Variants in SNURF observed in about 807,000 individuals in gnomAD.
SNURF encodes SNRPN upstream open reading frame, also known as SNURF protein.
In SNURF, 6 loss-of-function variants were observed where a neutral mutation model predicts 11.6. The observed-to-expected ratio is 0.52, with a 90% CI of 0.28 to 1.02. SNURF has a LOEUF of 1.02. Among genes scored for constraint, SNURF ranks in the 50% least tolerant of loss-of-function variants. The probability of loss-of-function intolerance (pLI) is 0.09; values close to 1 mark genes in which losing one functional copy is unlikely to be tolerated. For missense variants in SNURF, 84 were observed against 88.4 expected (o/e 0.95, Z 0.20); for synonymous variants, 29 against 31.6 (o/e 0.92, Z 0.27).
At chr15:24,955,467 T>G (rs934028937) in intron 1 of SNURF, among the ~76,000 whole-genome samples, 5 of 151,196 alleles carry the variant, frequency 3.3e-5, no homozygotes, top group Admixed American at 2.0e-4. Flanking sequence ...CATAGGGATT[T>G]TAGGCGGAGG....
At position 24,976,164 on chromosome 15, in the gene SNURF, A is replaced by G. The variant is rs370882516; in HGVS notation, c.*198-141A>G. 4.3e-5 allele frequency: 29 copies of G among 672,156 alleles called. No individual in the cohort carries two copies. The African/African-American group carries it at 4.7e-4, about 11-fold the overall frequency. 41.6% of individuals were successfully genotyped at this position (672,156 alleles called of 1,614,324 possible). On this transcript the variant is annotated intron_variant and NMD_transcript_variant, in intron 4 of 6. Coordinates refer to the SNURF transcript ENST00000580062. ...TTGTATATTAACTGTGTTTACAGAT[A>G]TTTTTTGGCTTGTTTTTCAGTGATA...
downstream of SNURF, among the ~76,000 whole-genome samples, chr15:24,971,823 A>G (rs1386061954): frequency 1.3e-5 from 2 of 152,254 alleles, no homozygotes; most frequent in African/African-American, 2.4e-5. Flanking sequence ...GTAAATTTAC[A>G]GAACTGTGCA....
chr15:24,973,732 C>T (rs952701926), downstream of SNURF, among the ~76,000 whole-genome samples: 5 of 152,192 alleles, frequency 3.3e-5, no homozygotes, highest in South Asian at 1.0e-3. Context: ...TCCTTCATTA[C>T]TTGATCTATG....
At chr15:24,960,756 C>CT (rs1419275042) in intron 1 of SNURF, among the ~76,000 whole-genome samples, 3 of 152,066 alleles carry the variant, frequency 2.0e-5, no homozygotes, top group Non-Finnish European at 4.4e-5. Flanking sequence ...GTGAGAGTTC[C>CT]TTACATATTC....
At chr15:24,978,355 GC>G (rs769355415), downstream of SNURF, 11 of 1,613,738 alleles carry the variant, frequency 6.8e-6, no homozygotes, top group East Asian at 4.5e-5. Context: ...GTTCAGCCAG[GC>G]CCCTGAATAT....
chr15:24,955,209 A>C, intron 1 of SNURF, 147 bp downstream of exon 1: 1 of 1,134,160 alleles, frequency 8.8e-7, no homozygotes, highest in Non-Finnish European at 1.3e-6. Flanking sequence ...CCAGATCCGG[A>C]ATGTTCAGAG....
intron 1 of SNURF, among the ~76,000 whole-genome samples, chr15:24,956,109 C>T (rs1231309170): frequency 1.3e-5 from 2 of 152,044 alleles, no homozygotes; most frequent in East Asian, 1.9e-4. Context: ...TAGGAACCCT[C>T]GCTTTAGAGG....
chr15:24,976,859 T>C (rs749350247), intron 5 of SNURF: 6 of 1,603,838 alleles, frequency 3.7e-6, no homozygotes, highest in Admixed American at 3.5e-5. Context: ...TTTTAGGCTA[T>C]GAATTTTCTT....
chr15:24,967,134 C>T (rs967720663), intron 2 of SNURF: 1 of 152,136 alleles, frequency 6.6e-6, no homozygotes, highest in Non-Finnish European at 1.5e-5. Flanking sequence ...AAGGATTGTT[C>T]ACACAGGATA....
At chr15:24,955,147 T>C in intron 1 of SNURF, 85 bp downstream of exon 1, 1 of 1,575,684 alleles carries the variant, frequency 6.3e-7, no homozygotes, top group Non-Finnish European at 8.7e-7. Context: ...TTTTAGGACT[T>C]GGAGTACTGA....
chr15:24,959,650 T>C (rs2074445682), intron 1 of SNURF, among the ~76,000 whole-genome samples: 1 of 152,184 alleles, frequency 6.6e-6, no homozygotes, highest in South Asian at 2.1e-4. Context: ...AATTGTATTA[T>C]ATTAAGGTAC....
intron 1 of SNURF, among the ~76,000 whole-genome samples, chr15:24,958,486 G>GTTTTTTTTTTTTTTTTTTTTT: frequency 1.5e-5 from 1 of 65,284 alleles, no homozygotes; most frequent in Non-Finnish European, 2.7e-5. Flanking sequence ...CTGGCTCAAA[G>GTTTTTTTTTTTTTTTTTTTTT]TTTTTTTTTT....
At chr15:24,970,679 G>A (rs527536884), downstream of SNURF, among the ~76,000 whole-genome samples, 1 of 152,310 alleles carries the variant, frequency 6.6e-6, no homozygotes, top group South Asian at 2.1e-4. Context: ...TTGGGATGCA[G>A]GGTGTAATAT....
At chr15:24,958,269 C>T (rs549104137) in intron 1 of SNURF, among the ~76,000 whole-genome samples, 39 of 151,964 alleles carry the variant, frequency 2.6e-4, no homozygotes, top group Admixed American at 7.2e-4. Flanking sequence ...TTATCAGCGC[C>T]CTCTGTTTAG....
At chr15:24,974,770 G>A in intron 3 of SNURF, 3 of 616,618 alleles carry the variant, frequency 4.9e-6, no homozygotes, top group Non-Finnish European at 5.7e-6. Flanking sequence ...TGTTGGCCAG[G>A]CTGGTCTCAG....
At chr15:24,967,950 G>A (rs148434270) in exon 3 of SNURF, 1 of 1,613,898 alleles carries the variant, frequency 6.2e-7, no homozygotes, top group Non-Finnish European at 8.5e-7. Context: ...TGTACCCGAG[G>A]CGTTCTCAGC....
At chr15:24,955,790 G>C (rs1451822162) in intron 1 of SNURF, among the ~76,000 whole-genome samples, 1 of 151,636 alleles carries the variant, frequency 6.6e-6, no homozygotes, top group Non-Finnish European at 1.5e-5. Flanking sequence ...ATTGGCAGCG[G>C]GTAGGCATGG....
chr15:24,978,222 C>T (rs1015670834), downstream of SNURF: 34 of 1,613,794 alleles, frequency 2.1e-5, no homozygotes, highest in Non-Finnish European at 2.9e-5. Flanking sequence ...TGGTATGAGA[C>T]CACCCATGGG....
intron 2 of SNURF, chr15:24,967,125 A>G (rs1255607991): frequency 6.6e-6 from 1 of 152,148 alleles, no homozygotes; most frequent in East Asian, 1.9e-4. Flanking sequence ...CTGGGGAGAA[A>G]GGATTGTTCA....
Sources: allele counts gnomAD v4.1 joint callset (sites outside exome capture counted in the v4.1 genomes callset), GRCh38; gene constraint gnomAD v4.1.1; transcripts MANE v1.5; gene names NCBI Gene and HGNC (gene_info 2026-07-23, HGNC 2026-07-21).